Variants in KDM4C observed in about 807,000 individuals in gnomAD.
KDM4C encodes the protein lysine-specific demethylase 4C.
In KDM4C, 81 loss-of-function variants were observed where a neutral mutation model predicts 129.3. The ratio of observed to expected loss-of-function variants is 0.63; its 90% CI spans 0.52 to 0.75. The LOEUF (loss-of-function observed/expected upper bound fraction) is 0.75, where lower values mean the gene tolerates loss of function less well. KDM4C is among the 30% of genes least tolerant of loss of function. The pLI is 0.00. For synonymous variants in KDM4C, 573 were observed against 456.1 expected, an observed-to-expected ratio of 1.26 and a Z score of -3.26; for missense variants, 1,457 against 1,304.0, an observed-to-expected ratio of 1.12 and a Z score of -1.81.
At chr9:7,083,620 T>G (rs758725400) in intron 17 of KDM4C, among the ~76,000 whole-genome samples, 1 of 152,038 alleles carries the variant, frequency 6.6e-6, no homozygotes, top group Non-Finnish European at 1.5e-5. Flanking sequence ...ATAGAAAAGA[T>G]ATAGCCAAAA....
At chr9:7,102,291 T>G (rs964552272) in intron 17 of KDM4C, among the ~76,000 whole-genome samples, 2 of 149,650 alleles carry the variant, frequency 1.3e-5, no homozygotes, top group East Asian at 3.9e-4. Flanking sequence ...ACTTGGCTCT[T>G]GCACCTCATG....
chr9:6,853,933 A>G (rs1458709713), intron 5 of KDM4C, among the ~76,000 whole-genome samples: 1 of 152,226 alleles, frequency 6.6e-6, no homozygotes, highest in Non-Finnish European at 1.5e-5. Context: ...AGGGATATCT[A>G]GGAGGGTCCA....
chr9:6,741,795 T>G (rs1235710781), intron 1 of KDM4C, among the ~76,000 whole-genome samples: 1 of 151,398 alleles, frequency 6.6e-6, no homozygotes, highest in East Asian at 1.9e-4. Flanking sequence ...TTTGAACTCC[T>G]GGTCTCAAGG....
chr9:6,824,109 T>G (rs1267121932), intron 4 of KDM4C, among the ~76,000 whole-genome samples: 1 of 152,218 alleles, frequency 6.6e-6, no homozygotes, highest in Non-Finnish European at 1.5e-5. Context: ...TAGAGAGTCT[T>G]TGATTTGGAC....
intron 15 of KDM4C, among the ~76,000 whole-genome samples, chr9:7,045,268 C>G (rs571843200): frequency 6.6e-6 from 1 of 152,020 alleles, no homozygotes; most frequent in Admixed American, 6.6e-5. Context: ...CTCACTGCTA[C>G]TTTCATTAAT....
chr9:7,002,454 A>C (rs371125637), intron 12 of KDM4C, among the ~76,000 whole-genome samples: 5 of 152,348 alleles, frequency 3.3e-5, no homozygotes, highest in South Asian at 4.1e-4. Flanking sequence ...TGAGAACATG[A>C]GACTTTTACT....
chr9:6,899,229 A>G (rs1452455885), intron 8 of KDM4C, among the ~76,000 whole-genome samples: 1 of 152,022 alleles, frequency 6.6e-6, no homozygotes, highest in Non-Finnish European at 1.5e-5. Flanking sequence ...GAGATTCCCC[A>G]TATTCCCCTT....
chr9:7,121,680 AGACAT>A (rs1839502041), intron 18 of KDM4C, among the ~76,000 whole-genome samples: 1 of 152,188 alleles, frequency 6.6e-6, no homozygotes, highest in Non-Finnish European at 1.5e-5. Context: ...TTTTATCACC[AGACAT>A]GCTCCAAATC....
At chr9:6,855,917 T>G (rs966375313) in intron 5 of KDM4C, among the ~76,000 whole-genome samples, 3 of 152,228 alleles carry the variant, frequency 2.0e-5, no homozygotes, top group Non-Finnish European at 2.9e-5. Context: ...TAAATTTTCT[T>G]TTTTATAGAG....
At chr9:7,100,452 G>A (rs1247860846) in intron 17 of KDM4C, among the ~76,000 whole-genome samples, 1 of 152,076 alleles carries the variant, frequency 6.6e-6, no homozygotes. Flanking sequence ...CGACTCTCCT[G>A]CCTCAGCCGC....
chr9:6,826,292 G>T (rs1171517406), intron 4 of KDM4C, among the ~76,000 whole-genome samples: 1 of 151,616 alleles, frequency 6.6e-6, no homozygotes, highest in African/African-American at 2.4e-5. Flanking sequence ...CCACTTTAAG[G>T]TAAAAGTTAC....
chr9:7,163,174 G>A (rs539701417), intron 19 of KDM4C, among the ~76,000 whole-genome samples: 80 of 152,206 alleles, frequency 5.3e-4, no homozygotes, highest in Admixed American at 5.2e-4. Context: ...TTCTTGGCTT[G>A]CAGGCACCCT....
chr9:6,968,263 A>T (rs1292247968), intron 8 of KDM4C, among the ~76,000 whole-genome samples: 1 of 152,150 alleles, frequency 6.6e-6, no homozygotes, highest in East Asian at 1.9e-4. Flanking sequence ...TTCACTTGAG[A>T]TCAGGATTTT....
intron 15 of KDM4C, among the ~76,000 whole-genome samples, chr9:7,043,416 G>C (rs576850546): frequency 6.6e-6 from 1 of 152,110 alleles, no homozygotes; most frequent in South Asian, 2.1e-4. Context: ...GCTGCTTTTT[G>C]AGTGAGAGTT....
intron 8 of KDM4C, among the ~76,000 whole-genome samples, chr9:6,948,769 C>T (rs1827472999): frequency 6.6e-6 from 1 of 152,056 alleles, no homozygotes; most frequent in African/African-American, 2.4e-5. Context: ...TGAGTGGACA[C>T]AGCACATGTT....
intron 15 of KDM4C, among the ~76,000 whole-genome samples, chr9:7,030,071 TATA>T (rs1334104366): frequency 1.3e-5 from 2 of 152,172 alleles, no homozygotes; most frequent in Non-Finnish European, 2.9e-5. Flanking sequence ...GTAAAAGTAA[TATA>T]ATGAGAAGAT....
At chr9:7,168,174 G>A (rs761074951) in intron 20 of KDM4C, among the ~76,000 whole-genome samples, 61 of 152,084 alleles carry the variant, frequency 4.0e-4, no homozygotes, top group Non-Finnish European at 1.8e-4. Flanking sequence ...GGCAACAAGA[G>A]CGAAACTCCG....
intron 2 of KDM4C, among the ~76,000 whole-genome samples, chr9:6,796,542 G>A (rs550746887): frequency 2.0e-5 from 3 of 152,210 alleles, no homozygotes; most frequent in Non-Finnish European, 2.9e-5. Flanking sequence ...AACTTTAGAA[G>A]AGGAAACAGC....
At chr9:6,926,938 A>G (rs1351952991) in intron 8 of KDM4C, among the ~76,000 whole-genome samples, 1 of 152,202 alleles carries the variant, frequency 6.6e-6, no homozygotes, top group Admixed American at 6.5e-5. Flanking sequence ...TTAAATGTAT[A>G]CATGTTCATT....
Sources: gnomAD v4.1 joint callset for allele counts (sites outside exome capture counted in the v4.1 genomes callset) on GRCh38, gnomAD v4.1.1 for gene constraint, MANE v1.5 for transcripts, NCBI Gene and HGNC (gene_info 2026-07-23, HGNC 2026-07-21) for gene names.